The following FHIT variants were observed in gnomAD, a reference collection of about 807,000 sequenced individuals.
FHIT encodes fragile histidine triad diadenosine triphosphatase, also known as bis(5'-adenosyl)-triphosphatase.
In FHIT, 19 loss-of-function variants were observed where a neutral mutation model predicts 17.9. The ratio of observed to expected loss-of-function variants is 1.06; its 90% confidence interval spans 0.74 to 1.56. The LOEUF (loss-of-function observed/expected upper bound fraction) is 1.56. Ranked by LOEUF, FHIT falls within the 40% of genes most tolerant of loss-of-function variation. FHIT has a pLI of 0.00. For missense variants in FHIT, 248 were observed against 189.2 expected, an observed-to-expected ratio of 1.31 and a Z score of -1.82; for synonymous variants, 81 against 69.7, an observed-to-expected ratio of 1.16 and a Z score of -0.81.
At chr3:60,159,902 T>A (rs1462756768) in intron 5 of FHIT, among the ~76,000 whole-genome samples, 2 of 152,156 alleles carry the variant, frequency 1.3e-5, no homozygotes, top group African/African-American at 2.4e-5. Context: ...CTCCGCTCAA[T>A]GCGTGCACAA....
intron 5 of FHIT, among the ~76,000 whole-genome samples, chr3:60,417,568 C>T (rs1702297924): frequency 6.6e-6 from 1 of 152,138 alleles, no homozygotes. Flanking sequence ...ATTAAAAGCA[C>T]TTGGGGGACT....
intron 3 of FHIT, among the ~76,000 whole-genome samples, chr3:60,991,742 T>C (rs9819332): frequency 0.097 from 14,729 of 152,188 alleles, 816 homozygotes; most frequent in Middle Eastern, 0.16. Context: ...ATATAACACA[T>C]AATACAGAGT....
At chr3:60,253,753 A>T (rs981971484) in intron 5 of FHIT, among the ~76,000 whole-genome samples, 1 of 152,220 alleles carries the variant, frequency 6.6e-6, no homozygotes, top group African/African-American at 2.4e-5. Flanking sequence ...TTATCAGCCA[A>T]TATGTCCTCC....
chr3:60,589,611 T>G (rs1394197252), intron 4 of FHIT, among the ~76,000 whole-genome samples: 4 of 152,088 alleles, frequency 2.6e-5, no homozygotes, highest in Non-Finnish European at 5.9e-5. Context: ...GGGGGATATA[T>G]TTTTAAGATA....
intron 5 of FHIT, among the ~76,000 whole-genome samples, chr3:60,232,990 T>A (rs1471757311): frequency 6.6e-6 from 1 of 152,088 alleles, no homozygotes; most frequent in Non-Finnish European, 1.5e-5. Flanking sequence ...TGGTGACAAA[T>A]GACAGCATGC....
At chr3:61,128,222 T>C (rs1323271016) in intron 2 of FHIT, among the ~76,000 whole-genome samples, 1 of 152,108 alleles carries the variant, frequency 6.6e-6, no homozygotes, top group Non-Finnish European at 1.5e-5. Flanking sequence ...ATAGGACCTG[T>C]TTGTTAAATA....
intron 4 of FHIT, among the ~76,000 whole-genome samples, chr3:60,692,773 T>C (rs1385455289): frequency 6.6e-6 from 1 of 152,220 alleles, no homozygotes; most frequent in African/African-American, 2.4e-5. Context: ...AAAACTAATA[T>C]ATGACCATTT....
chr3:60,500,037 G>C (rs2034460786), intron 5 of FHIT, among the ~76,000 whole-genome samples: 1 of 152,120 alleles, frequency 6.6e-6, no homozygotes, highest in South Asian at 2.1e-4. Context: ...CTGGGGTCTG[G>C]CACATAGCAG....
intron 3 of FHIT, among the ~76,000 whole-genome samples, chr3:60,880,055 G>A (rs1322203083): frequency 2.0e-5 from 3 of 152,152 alleles, no homozygotes; most frequent in East Asian, 1.9e-4. Flanking sequence ...TTCCCGAATA[G>A]ATTCAAGCCC....
intron 3 of FHIT, among the ~76,000 whole-genome samples, chr3:60,978,036 GAA>G (rs1299305180): frequency 6.6e-6 from 1 of 152,108 alleles, no homozygotes; most frequent in African/African-American, 2.4e-5. Flanking sequence ...ACAGGCAAGT[GAA>G]AAAGAGTGGA....
At chr3:60,605,111 C>CAGAGAG (rs140136950) in intron 4 of FHIT, among the ~76,000 whole-genome samples, 169 of 150,208 alleles carry the variant, frequency 1.1e-3, no homozygotes, top group African/African-American at 4.0e-3. Flanking sequence ...CACACACACA[C>CAGAGAG]AGAGAGAGAG....
intron 3 of FHIT, among the ~76,000 whole-genome samples, chr3:61,007,457 T>A (rs1227733349): frequency 6.6e-6 from 1 of 152,218 alleles, no homozygotes; most frequent in Non-Finnish European, 1.5e-5. Flanking sequence ...CATATTCTTT[T>A]TCTCAGGTGA....
At chr3:59,987,368 G>C (rs763172921) in intron 7 of FHIT, among the ~76,000 whole-genome samples, 3 of 151,670 alleles carry the variant, frequency 2.0e-5, no homozygotes, top group African/African-American at 7.3e-5. Flanking sequence ...TTAGTTCATC[G>C]TGTGTGTCTC....
At chr3:60,208,454 C>T (rs915149518) in intron 5 of FHIT, among the ~76,000 whole-genome samples, 3 of 152,034 alleles carry the variant, frequency 2.0e-5, no homozygotes, top group Non-Finnish European at 2.9e-5. Flanking sequence ...TCTAGGATGG[C>T]TGAGAAGTTG....
intron 1 of FHIT, among the ~76,000 whole-genome samples, chr3:61,208,415 A>T (rs1235754476): frequency 1.3e-5 from 2 of 151,916 alleles, no homozygotes; most frequent in East Asian, 1.9e-4. Flanking sequence ...ACAGTGGGGT[A>T]TTAAAGTCTC....
chr3:61,211,686 A>G (rs2039480524), intron 1 of FHIT, among the ~76,000 whole-genome samples: 1 of 152,222 alleles, frequency 6.6e-6, no homozygotes, highest in South Asian at 2.1e-4. Context: ...AGATCTGAGA[A>G]TGGGGAGACT....
At chr3:59,986,492 G>C (rs1335578553) in intron 7 of FHIT, among the ~76,000 whole-genome samples, 1 of 124,292 alleles carries the variant, frequency 8.0e-6, no homozygotes, top group Admixed American at 9.9e-5. Flanking sequence ...TGAGAAAGTA[G>C]TCCAAAATAT....
At chr3:59,805,963 C>A (rs1429180065) in intron 8 of FHIT, among the ~76,000 whole-genome samples, 1 of 152,024 alleles carries the variant, frequency 6.6e-6, no homozygotes, top group Non-Finnish European at 1.5e-5. Context: ...GGGCAGATCA[C>A]GAGGTCAGGA....
intron 5 of FHIT, among the ~76,000 whole-genome samples, chr3:60,296,620 TAGCA>T (rs1708224867): frequency 6.6e-6 from 1 of 152,078 alleles, no homozygotes; most frequent in South Asian, 2.1e-4. Flanking sequence ...TTTAGCCTCT[TAGCA>T]GAGTCTTTCA....
Sources: gnomAD v4.1 joint callset for allele counts (sites outside exome capture counted in the v4.1 genomes callset) on GRCh38, gnomAD v4.1.1 for gene constraint, MANE v1.5 for transcripts, NCBI Gene and HGNC (gene_info 2026-07-23, HGNC 2026-07-21) for gene names.